The following SYT1 variants were observed in gnomAD, a reference collection of about 807,000 sequenced individuals.
SYT1 encodes the protein synaptotagmin-1.
SYT1 carries 8 observed loss-of-function variants against 44.8 expected under a neutral mutation model. The ratio of observed to expected loss-of-function variants is 0.18; its 90% CI spans 0.10 to 0.32. SYT1 has a LOEUF of 0.32. Ranked by LOEUF, SYT1 falls within the 10% of genes least tolerant of loss-of-function variation. The probability of loss-of-function intolerance (pLI) is 1.00; values close to 1 mark genes in which losing one functional copy is unlikely to be tolerated. For synonymous variants in SYT1, 154 were observed against 188.8 expected (o/e 0.82, Z 1.51); for missense variants, 286 against 509.3 (o/e 0.56, Z 4.22).
intron 4 of SYT1, among the ~76,000 whole-genome samples, chr12:79,284,014 A>G (rs1442583898): frequency 6.6e-6 from 1 of 152,062 alleles, no homozygotes; most frequent in Non-Finnish European, 1.5e-5. Flanking sequence ...TTACTTTATC[A>G]AAGTATTCCT....
intron 2 of SYT1, among the ~76,000 whole-genome samples, chr12:79,016,760 T>G (rs535029388): frequency 6.6e-6 from 1 of 152,250 alleles, no homozygotes; most frequent in South Asian, 2.1e-4. Context: ...TGCCCAGGAT[T>G]TAAATATCTG....
intron 2 of SYT1, among the ~76,000 whole-genome samples, chr12:79,037,562 A>T (rs939377702): frequency 2.4e-4 from 37 of 151,694 alleles, no homozygotes; most frequent in Non-Finnish European, 7.4e-5. Context: ...TCATAATGAG[A>T]GCGGGCTTGT....
At chr12:79,310,338 G>C (rs897529279) in intron 8 of SYT1, among the ~76,000 whole-genome samples, 1 of 151,960 alleles carries the variant, frequency 6.6e-6, no homozygotes, top group Non-Finnish European at 1.5e-5. Flanking sequence ...GATATGTGGC[G>C]TTATTTCTGA....
chr12:78,920,609 A>G (rs765222148), intron 1 of SYT1, among the ~76,000 whole-genome samples: 21 of 152,032 alleles, frequency 1.4e-4, no homozygotes, highest in Non-Finnish European at 1.5e-5. Context: ...TAAAATGCTT[A>G]CATAACCACA....
chr12:79,346,514 A>G (rs915926719), intron 8 of SYT1, among the ~76,000 whole-genome samples: 1 of 152,194 alleles, frequency 6.6e-6, no homozygotes, highest in African/African-American at 2.4e-5. Flanking sequence ...AATTCCTAAT[A>G]GTAATAAGGC....
At chr12:78,943,141 T>C (rs1565729485) in intron 1 of SYT1, among the ~76,000 whole-genome samples, 1 of 152,222 alleles carries the variant, frequency 6.6e-6, no homozygotes, top group Admixed American at 6.5e-5. Context: ...TTCAAGTGGC[T>C]AGTTCTTCGG....
intron 4 of SYT1, among the ~76,000 whole-genome samples, chr12:79,234,162 A>G (rs2138627662): frequency 6.6e-6 from 1 of 152,142 alleles, no homozygotes; most frequent in African/African-American, 2.4e-5. Flanking sequence ...TGCCTCTGGC[A>G]TTTTTCTACC....
At chr12:79,353,697 A>G in intron 9 of SYT1, 78 bp downstream of exon 9, 1 of 1,015,420 alleles carries the variant, frequency 9.8e-7, no homozygotes, top group Non-Finnish European at 1.6e-6. Flanking sequence ...ACATGCTGCG[A>G]CTCCCCACTT....
intron 1 of SYT1, among the ~76,000 whole-genome samples, chr12:78,922,458 CATATT>C (rs1472405027): frequency 6.6e-6 from 1 of 151,178 alleles, no homozygotes; most frequent in Non-Finnish European, 1.5e-5. Context: ...CTTAAGAAAA[CATATT>C]ATAAAGTAAA....
intron 9 of SYT1, among the ~76,000 whole-genome samples, chr12:79,423,198 G>A (rs1869225239): frequency 6.6e-6 from 1 of 152,224 alleles, no homozygotes. Flanking sequence ...CCACACATGT[G>A]TGCACACGTG....
intron 1 of SYT1, among the ~76,000 whole-genome samples, chr12:78,957,385 C>T (rs1879267567): frequency 6.6e-6 from 1 of 152,120 alleles, no homozygotes; most frequent in Admixed American, 6.6e-5. Flanking sequence ...AAAGTGCTTT[C>T]TAAGTATTTT....
At chr12:79,424,243 A>G (rs556607662) in intron 9 of SYT1, among the ~76,000 whole-genome samples, 135 of 152,200 alleles carry the variant, frequency 8.9e-4, no homozygotes, top group African/African-American at 3.0e-3. Context: ...GATGATTATC[A>G]GTATTATGAT....
At chr12:79,263,304 A>G (rs1327509794) in intron 4 of SYT1, among the ~76,000 whole-genome samples, 1 of 144,588 alleles carries the variant, frequency 6.9e-6, no homozygotes, top group African/African-American at 2.6e-5. Context: ...GAGTTCTACT[A>G]TTTTCTTTCT....
chr12:79,227,123 G>A (rs1340774797), intron 4 of SYT1, among the ~76,000 whole-genome samples: 2 of 152,110 alleles, frequency 1.3e-5, no homozygotes, highest in African/African-American at 4.8e-5. Context: ...GGCAAGGAGT[G>A]TGCATGTCAT....
Position 78,913,966 on chromosome 12 carries a change from T to C in SYT1, c.-217+48857T>C, listed in dbSNP as rs188198863. 4.3e-4 allele frequency among the ~76,000 whole-genome samples: 66 copies of C among 151,906 alleles called. No homozygotes were observed. The East Asian group carries it at 0.011, about 26-fold the overall frequency. ...TTGAATTGGGTTTGCCTTGAGAAAATCAGTTAATTTCTTTAAGTTTCAGTT... is the reference window on the plus strand; with the variant it reads ...TTGAATTGGGTTTGCCTTGAGAAAACCAGTTAATTTCTTTAAGTTTCAGTT... On this transcript the variant is annotated intron_variant, in intron 1 of 10. Transcript: ENST00000261205.
chr12:78,985,943 G>A (rs570486552), intron 2 of SYT1, among the ~76,000 whole-genome samples: 18 of 152,038 alleles, frequency 1.2e-4, no homozygotes, highest in South Asian at 6.2e-4. Flanking sequence ...CACTTTGAAG[G>A]AGGGAAAAAT....
At chr12:79,240,830 CTTTTA>C (rs1255872639) in intron 4 of SYT1, among the ~76,000 whole-genome samples, 4 of 152,030 alleles carry the variant, frequency 2.6e-5, no homozygotes, top group Non-Finnish European at 5.9e-5. Context: ...TTGATATTGT[CTTTTA>C]TAAGAAATAT....
intron 3 of SYT1, among the ~76,000 whole-genome samples, chr12:79,050,498 A>T (rs1203433610): frequency 5.3e-5 from 8 of 151,890 alleles, no homozygotes; most frequent in African/African-American, 1.9e-4. Context: ...CTCCTTGTAA[A>T]CTCTGATCAC....
At chr12:79,235,324 G>T (rs1303923492) in intron 4 of SYT1, among the ~76,000 whole-genome samples, 1 of 151,940 alleles carries the variant, frequency 6.6e-6, no homozygotes, top group Non-Finnish European at 1.5e-5. Flanking sequence ...ATATCATTGT[G>T]GTTTTAATGT....
Sources: allele counts gnomAD v4.1 joint callset (sites outside exome capture counted in the v4.1 genomes callset), GRCh38; gene constraint gnomAD v4.1.1; transcripts MANE v1.5; gene names NCBI Gene and HGNC (gene_info 2026-07-23, HGNC 2026-07-21).